Variants in UGT2B7 observed in about 807,000 individuals in gnomAD.
UGT2B7 encodes the protein UDP glucuronosyltransferase family 2 member B7.
Under a neutral mutation model 51.9 loss-of-function variants are expected in UGT2B7, and 51 were observed. That is an observed-to-expected ratio of 0.98 (90% CI 0.78 to 1.24). The LOEUF is 1.24. Ranked by LOEUF, UGT2B7 falls within the 50% of genes most tolerant of loss-of-function variation. UGT2B7 has a pLI of 0.00. For missense variants in UGT2B7, 727 were observed against 628.4 expected, an observed-to-expected ratio of 1.16 and a Z score of -1.68; for synonymous variants, 225 against 211.6, an observed-to-expected ratio of 1.06 and a Z score of -0.55.
chr4:69,087,060 T>C (rs1394994585), intron 1 of UGT2B7, among the ~76,000 whole-genome samples: 3 of 148,860 alleles, frequency 2.0e-5, no homozygotes, highest in East Asian at 2.0e-4. Context: ...CTGTCTCTCT[T>C]TCTCTCTCTC....
At chr4:69,074,445 T>TATATATATATATATATATATATATAA (rs761833298) in intron 1 of UGT2B7, among the ~76,000 whole-genome samples, 38 of 106,522 alleles carry the variant, frequency 3.6e-4, no homozygotes, top group African/African-American at 1.2e-3. Context: ...TATATATATA[T>TATATATATATATATATATATATATAA]AAATTAAAAA....
Position 69,102,932 on chromosome 4 carries a change from A to T in UGT2B7, c.996A>T (p.Pro332=), listed in dbSNP as rs201798563. ...NVIASALAQI[P]QKVLWRFDGN... is the part of the protein sequence containing the mutation. ...TTGCATCAGCCCTGGCCCAGATCCCACAAAAGGTAAGATGAAGTGCCTTAC... is the reference window on the plus strand; with the variant it reads ...TTGCATCAGCCCTGGCCCAGATCCCTCAAAAGGTAAGATGAAGTGCCTTAC... Residue 332 remains proline (P), a synonymous_variant, in exon 3 of 6, where the codon CCA becomes CCT. Transcript: ENST00000305231. 1.8e-4 allele frequency: 287 copies of T among 1,612,524 alleles called. No homozygotes were observed. The highest frequency in any genetic ancestry group is 2.4e-4 in the Non-Finnish European group (282 of 1,179,268).
chr4:69,075,776 T>C (rs1718688559), intron 1 of UGT2B7, among the ~76,000 whole-genome samples: 1 of 152,160 alleles, frequency 6.6e-6, no homozygotes, highest in African/African-American at 2.4e-5. Context: ...AGGATATTTC[T>C]TTATTGTATT....
intron 1 of UGT2B7, among the ~76,000 whole-genome samples, chr4:69,056,693 T>G (rs1718211469): frequency 1.3e-5 from 2 of 151,970 alleles, no homozygotes; most frequent in Admixed American, 6.5e-5. Flanking sequence ...CTACCTGTAC[T>G]TCTTCAAATG....
At chr4:69,103,632 C>A (rs983795295) in intron 3 of UGT2B7, among the ~76,000 whole-genome samples, 25 of 152,290 alleles carry the variant, frequency 1.6e-4, no homozygotes, top group African/African-American at 5.8e-4. Context: ...TTTAGAAATA[C>A]AAGTAAAATT....
chr4:69,109,203 A>C (rs1028097218), intron 5 of UGT2B7, among the ~76,000 whole-genome samples: 1 of 152,134 alleles, frequency 6.6e-6, no homozygotes, highest in Admixed American at 6.5e-5. Context: ...GCTATTAGGA[A>C]GATTGCTACA....
chr4:69,066,820 T>C (rs1718492153), intron 1 of UGT2B7, among the ~76,000 whole-genome samples: 1 of 152,112 alleles, frequency 6.6e-6, no homozygotes, highest in Non-Finnish European at 1.5e-5. Flanking sequence ...TTCCTCCTAA[T>C]GTATAGATGT....
intron 4 of UGT2B7, among the ~76,000 whole-genome samples, chr4:69,107,644 T>G (rs1313393836): frequency 1.3e-5 from 2 of 152,172 alleles, no homozygotes; most frequent in African/African-American, 2.4e-5. Flanking sequence ...GACTCTGTAT[T>G]TTCTGAAGAA....
intron 1 of UGT2B7, among the ~76,000 whole-genome samples, chr4:69,055,626 G>A (rs114855758): frequency 7.9e-5 from 12 of 152,162 alleles, no homozygotes; most frequent in Non-Finnish European, 8.8e-5. Flanking sequence ...GCAATTAGCC[G>A]AACACATAGC....
intron 1 of UGT2B7, among the ~76,000 whole-genome samples, chr4:69,059,274 C>G (rs1718286943): frequency 6.6e-6 from 1 of 152,328 alleles, no homozygotes; most frequent in Non-Finnish European, 1.5e-5. Flanking sequence ...GTGGGAGCCA[C>G]TGGAGTCTCT....
In UGT2B7 at chr4:69,098,840, G is replaced by A. The variant is rs957140356; in HGVS notation, c.870+152G>A. ...ATACCAATTAGAAACTCATGTGCAC[G>A]TTAATACCATCACACGTATATGAGT... On this transcript the variant is annotated intron_variant, in intron 2 of 5. Transcript: ENST00000305231. 5.8e-5 allele frequency: 76 copies of A among 1,303,058 alleles called. 1 individual carries two copies. The South Asian group carries it at 1.0e-3, about 17-fold the overall frequency. 80.7% of individuals were successfully genotyped at this position (1,303,058 alleles called of 1,614,324 possible).
chr4:69,052,317 G>T (rs1718042341), intron 1 of UGT2B7, among the ~76,000 whole-genome samples: 1 of 151,782 alleles, frequency 6.6e-6, no homozygotes, highest in African/African-American at 2.4e-5. Flanking sequence ...AGCTGGCAGA[G>T]GCAAGGAAAG....
At chr4:69,065,490 A>T (rs557078199) in intron 1 of UGT2B7, among the ~76,000 whole-genome samples, 1 of 152,324 alleles carries the variant, frequency 6.6e-6, no homozygotes, top group African/African-American at 2.4e-5. Context: ...TGATTTATAA[A>T]CTGTCAATCA....
chr4:69,080,572 C>T (rs981262702), intron 1 of UGT2B7, among the ~76,000 whole-genome samples: 4 of 150,786 alleles, frequency 2.7e-5, no homozygotes, highest in Non-Finnish European at 3.0e-5. Flanking sequence ...GAAAATCTAT[C>T]AATGACTATA....
chr4:69,056,604 C>G (rs1029672121), intron 1 of UGT2B7, among the ~76,000 whole-genome samples: 3 of 152,066 alleles, frequency 2.0e-5, no homozygotes, highest in African/African-American at 7.2e-5. Context: ...AAATTAGTTC[C>G]CAGCAATAGG....
At chr4:69,112,413 G>A (rs1169341656) in intron 5 of UGT2B7, 44 bp from the exon 6 acceptor site, 4 of 1,587,716 alleles carry the variant, frequency 2.5e-6, no homozygotes, top group Non-Finnish European at 2.6e-6. Flanking sequence ...GGTTTTGTCT[G>A]TAACTCTTCC....
chr4:69,097,223 T>C lies in UGT2B7; in HGVS notation c.703T>C (p.Phe235Leu). The change falls in exon 1 of 6, where the codon TTT becomes CTT. Residue 235 changes from phenylalanine to leucine, a missense_variant. Physicochemically the swap from Phe to Leu is conservative, Grantham distance 22. Coordinates refer to ENST00000305231, the MANE Select transcript of UGT2B7 (RefSeq NM_001074.4). ...ATTTGACATGAAGAAGTGGGATCAG[T>C]TTTATAGTGAAGTTCTAGGTAAGTA... ...EIFDMKKWDQ[F>L]YSEVLGRPTT... The C allele has an allele frequency of 6.2e-7, 1 of 1,610,502 alleles. No homozygotes were observed. The highest frequency in any genetic ancestry group is 8.5e-7 in the Non-Finnish European group (1 of 1,178,808).
At chr4:69,107,394 C>T (rs1190339298) in intron 4 of UGT2B7, 132 bp downstream of exon 4, 3 of 1,079,888 alleles carry the variant, frequency 2.8e-6, no homozygotes, top group South Asian at 1.7e-5. Context: ...ATTGATTTTC[C>T]AGTCTTAAGG....
chr4:69,079,704 T>C (rs72852450), intron 1 of UGT2B7, among the ~76,000 whole-genome samples: 63,375 of 151,874 alleles, frequency 0.42, 14,402 homozygotes, highest in African/African-American at 0.6. Flanking sequence ...ATCATTGTAG[T>C]CACGAAATCA....
Sources: allele counts gnomAD v4.1 joint callset (sites outside exome capture counted in the v4.1 genomes callset), GRCh38; gene constraint gnomAD v4.1.1; transcripts MANE v1.5; gene names NCBI Gene and HGNC (gene_info 2026-07-23, HGNC 2026-07-21).